AP4S1: variants seen among roughly 807,000 people sequenced by gnomAD.
The protein encoded by AP4S1 is AP-4 complex subunit sigma-1.
A neutral mutation model predicts 19.8 loss-of-function variants in AP4S1; 23 were observed. The ratio of observed to expected loss-of-function variants is 1.16; its 90% CI spans 0.84 to 1.65. AP4S1 has a LOEUF of 1.65. Ranked by LOEUF, AP4S1 falls within the 40% of genes most tolerant of loss-of-function variation. AP4S1 has a pLI of 0.00. For missense variants in AP4S1, 166 were observed against 172.8 expected, an observed-to-expected ratio of 0.96 and a Z score of 0.22; for synonymous variants, 46 against 54.1, an observed-to-expected ratio of 0.85 and a Z score of 0.66.
At chr14:31,081,525 C>T (rs964477885) in intron 5 of AP4S1, among the ~76,000 whole-genome samples, 1 of 152,094 alleles carries the variant, frequency 6.6e-6, no homozygotes, top group African/African-American at 2.4e-5. Flanking sequence ...AGGCTTTGTG[C>T]GAGTGTTTGG....
intron 1 of AP4S1, among the ~76,000 whole-genome samples, chr14:31,033,521 C>T (rs984881539): frequency 1.3e-5 from 2 of 152,150 alleles, no homozygotes; most frequent in Non-Finnish European, 2.9e-5. Context: ...ACAGTGTTTA[C>T]ATTTATAAAC....
At chr14:31,067,275 G>A (rs1262452303) in intron 2 of AP4S1, among the ~76,000 whole-genome samples, 1 of 149,316 alleles carries the variant, frequency 6.7e-6, no homozygotes, top group African/African-American at 2.5e-5. Flanking sequence ...TAATTTAATA[G>A]TTTTTTTTTA....
In AP4S1 at chr14:31,066,188, G is replaced by A; in HGVS notation, c.-9G>A. The A allele has an allele frequency of 6.2e-7, 1 of 1,613,614 alleles. No homozygotes were observed. The highest frequency in any genetic ancestry group is 8.5e-7 in the Non-Finnish European group (1 of 1,179,872). On this transcript the variant is annotated 5_prime_UTR_variant, in exon 2 of 6. Transcript: ENST00000542754. ...CTGTATTTGGAAAAATACTGGCCAGGAAAGAAAAATGATAAAATTTTTCCT... is the reference window on the plus strand; with the variant it reads ...CTGTATTTGGAAAAATACTGGCCAGAAAAGAAAAATGATAAAATTTTTCCT...
intron 3 of AP4S1, 124 bp from the exon 4 acceptor site, chr14:31,072,781 T>C: frequency 2.6e-6 from 2 of 754,802 alleles, no homozygotes; most frequent in Non-Finnish European, 4.7e-6. Flanking sequence ...GAGGCTACTT[T>C]CCTCACATTA....
chr14:31,050,838 A>G (rs1227932771), intron 1 of AP4S1, among the ~76,000 whole-genome samples: 3 of 152,120 alleles, frequency 2.0e-5, no homozygotes, highest in African/African-American at 7.2e-5. Context: ...GCATTTAGTC[A>G]TCTTATTTCC....
intron 1 of AP4S1, among the ~76,000 whole-genome samples, chr14:31,039,825 G>A (rs1047857978): frequency 1.4e-4 from 21 of 151,954 alleles, no homozygotes; most frequent in South Asian, 1.2e-3. Flanking sequence ...TCCTGACCTC[G>A]TGATCCGCCC....
At chr14:31,025,342 A>T (rs1883761630), upstream of AP4S1, 3 of 156,250 alleles carry the variant, frequency 1.9e-5, no homozygotes, top group African/African-American at 7.2e-5. Context: ...AAAACTTCAC[A>T]GGTCAGTCCC....
At chr14:31,040,953 A>G (rs1885072964) in intron 1 of AP4S1, among the ~76,000 whole-genome samples, 1 of 151,190 alleles carries the variant, frequency 6.6e-6, no homozygotes, top group African/African-American at 2.4e-5. Context: ...GGGTGCCTGT[A>G]AGTCCCAGCT....
intron 2 of AP4S1, among the ~76,000 whole-genome samples, chr14:31,066,827 C>A (rs1886742970): frequency 6.6e-6 from 1 of 152,004 alleles, no homozygotes; most frequent in African/African-American, 2.4e-5. Context: ...TGTAAATATA[C>A]CACCAATATA....
rs575855044 is a variant in AP4S1, at chr14:31,045,866, T to G, written c.-72+20079T>G. On this transcript the variant is annotated intron_variant, in intron 1 of 5. Coordinates refer to ENST00000542754, the MANE Select transcript of AP4S1 (RefSeq NM_001128126.3). ...AGTGAGTCCGTAGATAGCCTCAGGG[T>G]GGGGCCAGTCTAGGAAAGACCAAGT... 3.6e-4 allele frequency among the ~76,000 whole-genome samples: 54 copies of G among 151,112 alleles called. No individual in the cohort carries two copies. The East Asian group carries it at 8.7e-3, about 24-fold the overall frequency.
chr14:31,049,075 C>T (rs1885582613), intron 1 of AP4S1, among the ~76,000 whole-genome samples: 1 of 151,116 alleles, frequency 6.6e-6, no homozygotes, highest in South Asian at 2.1e-4. Context: ...ATGGTGAAAC[C>T]CCATCTCTAC....
chr14:31,026,975 C>T (rs1884030482), intron 1 of AP4S1: 1 of 152,318 alleles, frequency 6.6e-6, no homozygotes, highest in Non-Finnish European at 1.5e-5. Flanking sequence ...TAGCCAAGAT[C>T]CTCCGGCTGT....
At chr14:31,084,628 T>C in intron 5 of AP4S1, 1 of 1,390,922 alleles carries the variant, frequency 7.2e-7, no homozygotes, top group South Asian at 1.3e-5. Context: ...TGTGCACTCT[T>C]CAGTTCCACT....
At chr14:31,073,076 A>G (rs1478834730) in intron 4 of AP4S1, 103 bp downstream of exon 4, 2 of 1,023,234 alleles carry the variant, frequency 2.0e-6, no homozygotes, top group Non-Finnish European at 3.0e-6. Flanking sequence ...ACAGAGTTTT[A>G]ATAAGTAAAA....
At chr14:31,079,315 C>T (rs1380869677) in intron 4 of AP4S1, among the ~76,000 whole-genome samples, 1 of 151,998 alleles carries the variant, frequency 6.6e-6, no homozygotes, top group African/African-American at 2.4e-5. Context: ...TGTAGTTATG[C>T]ATTTGTCTAA....
intron 1 of AP4S1, among the ~76,000 whole-genome samples, chr14:31,040,981 A>C (rs935404708): frequency 1.3e-5 from 2 of 150,894 alleles, no homozygotes; most frequent in East Asian, 4.0e-4. Flanking sequence ...AGGCTGAGGC[A>C]GGAGAATGGT....
rs1887109269 is a variant in AP4S1, at chr14:31,073,175, T to C, written c.294+202T>C. The C allele has an allele frequency of 9.7e-6, 5 of 515,206 alleles. No homozygotes were observed. The South Asian group carries it at 1.1e-4, about 12-fold the overall frequency. 31.9% of individuals were successfully genotyped at this position (515,206 alleles called of 1,614,324 possible). Reference sequence around the variant, plus strand: ...AGCCTATACATGCCTGAGATCTTTATAAAGAACTGGAAAAAAAAAAAAAAA... The same window carrying C: ...AGCCTATACATGCCTGAGATCTTTACAAAGAACTGGAAAAAAAAAAAAAAA... On this transcript the variant is annotated intron_variant, in intron 4 of 5. Transcript: ENST00000542754.
At chr14:31,053,393 A>C (rs765925390) in intron 1 of AP4S1, among the ~76,000 whole-genome samples, 1 of 152,110 alleles carries the variant, frequency 6.6e-6, no homozygotes, top group Non-Finnish European at 1.5e-5. Flanking sequence ...CCAAAGGTCA[A>C]GTCCTGGAAT....
rs568176223 is a variant in AP4S1, at chr14:31,072,908, G to A, written c.229G>A (p.Glu77Lys). 1.2e-5 allele frequency: 20 copies of A among 1,612,170 alleles called. No homozygotes were observed. In the South Asian group the frequency reaches 2.0e-4, roughly 16 times the overall value. Reference sequence around the variant, plus strand: ...TACCTTTCTTCTTTTATTGTAGAACGAGATGGCTATTTATGAATTCATTCA... The same window carrying A: ...TACCTTTCTTCTTTTATTGTAGAACAAGATGGCTATTTATGAATTCATTCA... The part of the protein sequence containing the change: ...IVVGVNDTEN[E>K]MAIYEFIHNF... Residue 77 changes from glutamate (E) to lysine (K), a missense_variant, in exon 4 of 6, where the codon GAG (glutamate) becomes AAG (lysine). Coordinates refer to ENST00000542754, the MANE Select transcript of AP4S1 (RefSeq NM_001128126.3).
Sources: gnomAD v4.1 joint callset for allele counts (sites outside exome capture counted in the v4.1 genomes callset) on GRCh38, gnomAD v4.1.1 for gene constraint, MANE v1.5 for transcripts, NCBI Gene and HGNC (gene_info 2026-07-23, HGNC 2026-07-21) for gene names.